ANKDD1A: variants seen among roughly 807,000 people sequenced by gnomAD.
ANKDD1A encodes the protein ankyrin repeat and death domain containing 1A, also known as ankyrin repeat and death domain-containing protein 1A.
ANKDD1A carries 59 observed loss-of-function variants against 63.5 expected under a neutral mutation model. The observed-to-expected ratio is 0.93, with a 90% CI of 0.75 to 1.15. The LOEUF (loss-of-function observed/expected upper bound fraction) is 1.15, where lower values mean the gene tolerates loss of function less well. ANKDD1A is among the 50% of genes most tolerant of loss of function. The probability of loss-of-function intolerance (pLI) is 0.00; values close to 1 mark genes in which losing one functional copy is unlikely to be tolerated. For missense variants in ANKDD1A, 632 were observed against 656.4 expected, an observed-to-expected ratio of 0.96 and a Z score of 0.41; for synonymous variants, 266 against 263.9, an observed-to-expected ratio of 1.01 and a Z score of -0.08.
At chr15:64,948,112 C>T (rs1220444249) in intron 13 of ANKDD1A, among the ~76,000 whole-genome samples, 1 of 152,082 alleles carries the variant, frequency 6.6e-6, no homozygotes, top group East Asian at 1.9e-4. Flanking sequence ...TATACTAACA[C>T]CACAGAACTC....
rs566842083 is a variant in ANKDD1A at position 64,931,839 on chromosome 15, C to T, written c.768+254C>T. 198 of 592,874 alleles carry T rather than the reference C, an allele frequency of 3.3e-4. 1 individual carries two copies. The African/African-American group carries it at 3.5e-3, about 10-fold the overall frequency. 36.7% of individuals were successfully genotyped at this position (592,874 alleles called of 1,614,324 possible). On this transcript the variant is annotated intron_variant, in intron 8 of 14. Coordinates refer to ENST00000319580, the MANE Select transcript of ANKDD1A (RefSeq NM_182703.6). Reference sequence around the variant, plus strand: ...TTACATTGTTGTGAGGATTAAATACCTAACACAGTGCCCAGGACATAATAG... The same window carrying T: ...TTACATTGTTGTGAGGATTAAATACTTAACACAGTGCCCAGGACATAATAG...
At chr15:64,935,309 T>C (rs777275743) in intron 9 of ANKDD1A, among the ~76,000 whole-genome samples, 9 of 151,586 alleles carry the variant, frequency 5.9e-5, no homozygotes, top group Admixed American at 1.3e-4. Context: ...GGTGAGCAGA[T>C]TGCTTGAGGC....
rs759896854 is a variant in ANKDD1A, at chr15:64,952,702, GTTC to G, written c.1483+2735_1483+2737del. Among the ~76,000 whole-genome samples the G allele has an allele frequency of 4.8e-3, 492 of 102,350 alleles. 6 individuals are homozygous for G. Among genetic ancestry groups the G allele is most frequent in the Admixed American group, 0.026 (215 of 8,344 alleles). 67.1% of individuals were successfully genotyped at this position (102,350 alleles called of 152,430 possible). Reference sequence around the variant, plus strand: ...CTTCTTCCTCTCCTTTTTCTTCTTAGTTCTTCTCCTTTCTTCTTTCTTCTTCTC... The same window carrying G: ...CTTCTTCCTCTCCTTTTTCTTCTTAGTTCTCCTTTCTTCTTTCTTCTTCTC... On this transcript the variant is annotated intron_variant, in intron 14 of 14. Transcript: ENST00000319580.
rs893695679 is a variant in ANKDD1A, at chr15:64,951,363, CCT to C, written c.1483+1394_1483+1395del. On this transcript the variant is annotated intron_variant, in intron 14 of 14. Coordinates refer to ENST00000319580, the MANE Select transcript of ANKDD1A (RefSeq NM_182703.6). The stretch of plus-strand genomic sequence containing the variant: ...TTCTTCTTTCCTCTTCTTTCTTCTT[CCT>C]CTTTCTTCTTTCTTTTTCTTTTCTT... 100 of 475,674 alleles carry C rather than the reference CCT, an allele frequency of 2.1e-4. 2 individuals carry two copies. The highest frequency in any genetic ancestry group is 8.7e-4 in the East Asian group (3 of 3,448). 29.5% of individuals were successfully genotyped at this position (475,674 alleles called of 1,614,324 possible).
intron 9 of ANKDD1A, among the ~76,000 whole-genome samples, chr15:64,940,468 T>C (rs1211847501): frequency 6.6e-6 from 1 of 152,132 alleles, no homozygotes; most frequent in African/African-American, 2.4e-5. Context: ...AGTCTTGCTC[T>C]GTCGCCCAGG....
chr15:64,954,209 T>C (rs1262816549), intron 14 of ANKDD1A, among the ~76,000 whole-genome samples: 8,451 of 41,508 alleles, frequency 0.2, 865 homozygotes, highest in African/African-American at 0.32. Context: ...TCCTTATTCT[T>C]TTCTTCTTCT....
At chr15:64,952,905 TCTCTTC>T (rs1490012967) in intron 14 of ANKDD1A, among the ~76,000 whole-genome samples, 1 of 125,096 alleles carries the variant, frequency 8.0e-6, no homozygotes, top group Non-Finnish European at 1.7e-5. Flanking sequence ...TCTCCTTCCT[TCTCTTC>T]TTCTCCTTCT....
rs186229936 is a variant in ANKDD1A, at chr15:64,930,412, G to A, written c.571-410G>A. Among the ~76,000 whole-genome samples, 504 of 152,200 alleles carry A rather than the reference G, an allele frequency of 3.3e-3. 6 individuals carry two copies. The highest frequency in any genetic ancestry group is 3.9e-3 in the Non-Finnish European group (267 of 68,000). ...GGGGGTTGTAGTTTCAGTGTGGCCC[G>A]GGCAGGCCATGCTACTCAATGAGAA... On this transcript the variant is annotated intron_variant, in intron 6 of 14. Coordinates refer to ENST00000319580, the MANE Select transcript of ANKDD1A (RefSeq NM_182703.6).
At chr15:64,939,563 T>C (rs2085163701) in intron 9 of ANKDD1A, among the ~76,000 whole-genome samples, 1 of 152,144 alleles carries the variant, frequency 6.6e-6, no homozygotes. Context: ...TGCAGTCAAC[T>C]ATGATCACAC....
chr15:64,950,211 G>GC, intron 14 of ANKDD1A: 1 of 985,396 alleles, frequency 1.0e-6, no homozygotes, highest in Non-Finnish European at 1.2e-6. Flanking sequence ...GACCTTCACA[G>GC]CCCCGGAGCC....
rs1175886929 is a variant in ANKDD1A, at chr15:64,947,351, C to T, written c.1162-53C>T. 4.4e-5 allele frequency: 69 copies of T among 1,578,202 alleles called. No individual in the cohort carries two copies. In the Middle Eastern group the frequency reaches 5.0e-4, roughly 12 times the overall value. On this transcript the variant is annotated intron_variant, in intron 12 of 14. Coordinates refer to ENST00000319580, the MANE Select transcript of ANKDD1A (RefSeq NM_182703.6). ...ATAGGGGCCTCGGCTCGGCACTGCC[C>T]CTGTCTGGGATCATGAGGGAGAGCT...
Position 64,926,156 on chromosome 15 carries a change from GAC to G in ANKDD1A, c.458_459del (p.Asp153AlafsTer15). On this transcript the variant is annotated frameshift_variant, in exon 5 of 15. Coordinates refer to ENST00000319580, the MANE Select transcript of ANKDD1A (RefSeq NM_182703.6). LOFTEE classifies it high-confidence loss of function. ...IMEDLEDVAL[D>X]HVDKLGRTAF... ...GGAGGACCTGGAGGATGTGGCCCTG[GAC>G]CACGTAGACAAGGTGAGAGTGCCTC... 6.2e-7 allele frequency: 1 copy of G among 1,613,926 alleles called. No individual in the cohort carries two copies. Among genetic ancestry groups the G allele is most frequent in the Non-Finnish European group, 8.5e-7 (1 of 1,179,940 alleles).
chr15:64,955,061 TCTC>T, intron 14 of ANKDD1A, among the ~76,000 whole-genome samples: 1 of 151,634 alleles, frequency 6.6e-6, no homozygotes, highest in South Asian at 2.1e-4. Flanking sequence ...CTTCTTCTTT[TCTC>T]TTTTTTTTGA....
chr15:64,951,550 T>TC (rs2085277243), intron 14 of ANKDD1A: 1 of 14,974 alleles, frequency 6.7e-5, no homozygotes, highest in African/African-American at 1.8e-4. Flanking sequence ...TTCTTTCTTC[T>TC]CTTCTTTCTT....
Position 64,954,641 on chromosome 15 carries a change from TC to T in ANKDD1A, c.1484-2460del, listed in dbSNP as rs1350496272. On this transcript the variant is annotated intron_variant, in intron 14 of 14. Coordinates refer to ENST00000319580, the MANE Select transcript of ANKDD1A (RefSeq NM_182703.6). ...CCTCTTTTCTTCTTCCTTTTCTTCTTCCTTCTTCTTCTCCTTCTTTCTTCTT... is the reference window on the plus strand; with the variant it reads ...CCTCTTTTCTTCTTCCTTTTCTTCTTCTTCTTCTTCTCCTTCTTTCTTCTT... Among the ~76,000 whole-genome samples, 13 of 70,502 alleles carry T rather than the reference TC, an allele frequency of 1.8e-4. No individual in the cohort carries two copies. The South Asian group carries it at 2.1e-3, about 11-fold the overall frequency. The allele number at this position is 70,502 out of a possible 152,430, so 46.3% of individuals were successfully genotyped here. A position where few individuals can be genotyped will look rare whatever the true frequency, so the allele number is the denominator to read the frequency against.
chr15:64,949,935 C>T lies in ANKDD1A; in HGVS notation c.1446C>T (p.Phe482=), dbSNP rs754966012. 111 of 1,609,652 alleles carry T rather than the reference C, an allele frequency of 6.9e-5. No individual in the cohort carries two copies. Among genetic ancestry groups the T allele is most frequent in the Non-Finnish European group, 8.9e-5 (105 of 1,179,984 alleles). Residue 482 remains phenylalanine (F), a synonymous_variant, in exon 14 of 15, where the codon TTC becomes TTT. Transcript: ENST00000319580. The part of the protein sequence containing the change: ...TAGENPSKAL[F]EGLVAIGRRD... ...GTGAGAACCCCAGCAAAGCGCTGTT[C>T]GAGGGCCTCGTGGCCATTGGCAGGA...
rs2085193459 is a variant in ANKDD1A, at chr15:64,942,583, C to G, written c.966+18C>G. ...TGGACAATGTAAGTGGCTACAGAGA[C>G]CTTCCGGGCCCCAGGGAGCTTCTGG... On this transcript the variant is annotated intron_variant, in intron 10 of 14. Transcript: ENST00000319580. 2 of 1,601,144 alleles carry G rather than the reference C, an allele frequency of 1.2e-6. No individual in the cohort carries two copies. The highest frequency in any genetic ancestry group is 2.2e-5 in the South Asian group (2 of 89,448).
chr15:64,940,435 T>TTAGATAG (rs2085172609), intron 9 of ANKDD1A, among the ~76,000 whole-genome samples: 1 of 121,874 alleles, frequency 8.2e-6, no homozygotes, highest in Admixed American at 8.2e-5. Flanking sequence ...TAGATAGATA[T>TTAGATAG]ATAGATATTT....
chr15:64,939,695 A>G (rs2085165173), intron 9 of ANKDD1A, among the ~76,000 whole-genome samples: 1 of 152,250 alleles, frequency 6.6e-6, no homozygotes, highest in African/African-American at 2.4e-5. Flanking sequence ...GACCATGAAA[A>G]TACGCCCAGC....
Sources: allele counts gnomAD v4.1 joint callset (sites outside exome capture counted in the v4.1 genomes callset), GRCh38; gene constraint gnomAD v4.1.1; transcripts MANE v1.5; gene names NCBI Gene and HGNC (gene_info 2026-07-23, HGNC 2026-07-21).